The following FUCA2 variants were observed in gnomAD, a reference collection of about 807,000 sequenced individuals.
The protein encoded by FUCA2 is plasma alpha-L-fucosidase.
FUCA2 carries 41 observed loss-of-function variants against 52.6 expected under a neutral mutation model. That is an observed-to-expected ratio of 0.78 (90% CI 0.61 to 1.01). FUCA2 has a LOEUF of 1.01. FUCA2 is among the 50% of genes least tolerant of loss of function. The pLI, the probability that FUCA2 is intolerant of heterozygous loss-of-function variation, is 0.00. For synonymous variants in FUCA2, 211 were observed against 217.3 expected, an observed-to-expected ratio of 0.97 and a Z score of 0.26; for missense variants, 507 against 569.5, an observed-to-expected ratio of 0.89 and a Z score of 1.12.
chr6:143,511,356 A>AG lies in FUCA2; in HGVS notation c.224+54dup. On this transcript the variant is annotated intron_variant, in intron 1 of 6. Coordinates refer to ENST00000002165, the MANE Select transcript of FUCA2 (RefSeq NM_032020.5). The surrounding 1 kb of genome is among the most constrained non-coding windows in gnomAD (Gnocchi z 6.3). ...ACCAGGCCCGCTGGGTGGTGGCTGG[A>AG]GGCTGCGGGTGGGGACAAAAGCGCG... 1.3e-6 allele frequency: 2 copies of AG among 1,498,718 alleles called. No homozygotes were observed. Among genetic ancestry groups the AG allele is most frequent in the Admixed American group, 3.8e-5 (2 of 52,068 alleles). 92.8% of individuals were successfully genotyped at this position (1,498,718 alleles called of 1,614,324 possible).
At chr6:143,496,659 G>C (rs1780464387) in intron 6 of FUCA2, 1 of 152,154 alleles carries the variant, frequency 6.6e-6, no homozygotes, top group South Asian at 2.1e-4. Flanking sequence ...AGATCTGGTG[G>C]TTTCAACAGT....
In FUCA2 at chr6:143,497,277, T is replaced by A; in HGVS notation, c.1263+112A>T. The A allele has an allele frequency of 1.4e-6, 1 of 714,866 alleles. No individual in the cohort carries two copies. The highest frequency in any genetic ancestry group is 1.6e-5 in the South Asian group (1 of 60,658). The allele number at this position is 714,866 out of a possible 1,614,324, so 44.3% of individuals were successfully genotyped here. On this transcript the variant is annotated intron_variant, in intron 6 of 6. Coordinates refer to ENST00000002165, the MANE Select transcript of FUCA2 (RefSeq NM_032020.5). The surrounding 1 kb of genome is among the most constrained non-coding windows in gnomAD (Gnocchi z 5.3). ...TGCTTGGCTGGAGCTCATTTACAAT[T>A]CCTTTTATGAAGTATAAGTGAAACA... is the stretch of plus-strand genomic sequence containing the variant.
At position 143,506,192 on chromosome 6, in the gene FUCA2, G is replaced by GTTTTTTTT. The variant is rs3060493; in HGVS notation, c.412+1037_412+1044dup. Reference sequence around the variant, plus strand: ...AGAAAACAATAAGGCAAAGTTTCCCGTTTTTTTTTTTTTTTTTTTTTGAGA... The same window carrying GTTTTTTTT: ...AGAAAACAATAAGGCAAAGTTTCCCGTTTTTTTTTTTTTTTTTTTTTTTTTTTTTGAGA... On this transcript the variant is annotated intron_variant, in intron 2 of 6. Transcript: ENST00000002165. 1.6e-5 allele frequency: 2 copies of GTTTTTTTT among 125,814 alleles called. 1 individual carries two copies. Among genetic ancestry groups the GTTTTTTTT allele is most frequent in the Non-Finnish European group, 3.3e-5 (2 of 59,766 alleles). The allele number at this position is 125,814 out of a possible 1,614,324, so 7.8% of individuals were successfully genotyped here. A position where few individuals can be genotyped will look rare whatever the true frequency, so the allele number is the denominator to read the frequency against.
chr6:143,505,510 TCTCACTTTGCTGC>T (rs1340077272), intron 2 of FUCA2: 1 of 152,070 alleles, frequency 6.6e-6, no homozygotes, highest in Non-Finnish European at 1.5e-5. Flanking sequence ...AGAGACAGGG[TCTCACTTTGCTGC>T]CTAGGCCAGT....
In FUCA2 at chr6:143,511,640, G is replaced by T. The variant is rs1331172064; in HGVS notation, c.-6C>A. Reference sequence around the variant, plus strand: ...GGGAGCTCCTGGGGCCGCATGTCCCGGCGCAGGCCGGCTGTCCTCTCTGCA... The same window carrying T: ...GGGAGCTCCTGGGGCCGCATGTCCCTGCGCAGGCCGGCTGTCCTCTCTGCA... On this transcript the variant is annotated 5_prime_UTR_variant, in exon 1 of 7. Transcript: ENST00000002165. This position sits in a 1 kb window ranked among gnomAD's most constrained non-coding sequence, Gnocchi z 6.3. 2.0e-6 allele frequency: 3 copies of T among 1,503,012 alleles called. No individual in the cohort carries two copies. Among genetic ancestry groups the T allele is most frequent in the Admixed American group, 2.1e-5 (1 of 46,934 alleles). 93.1% of individuals were successfully genotyped at this position (1,503,012 alleles called of 1,614,324 possible).
rs1432912971 is a variant in FUCA2 at position 143,502,496 on chromosome 6, G to A, written c.822C>T (p.Phe274=). 3 of 1,614,108 alleles carry A rather than the reference G, an allele frequency of 1.9e-6. No homozygotes were observed. The Admixed American group carries it at 5.0e-5, about 27-fold the overall frequency. Residue 274 remains phenylalanine, a synonymous_variant, in exon 4 of 7, where the codon TTC becomes TTT. Coordinates refer to ENST00000002165, the MANE Select transcript of FUCA2 (RefSeq NM_032020.5). The surrounding 1 kb of genome is among the most constrained non-coding windows in gnomAD (Gnocchi z 4.1). The part of the protein sequence containing the change: ...GAGSICKHGG[F]YTCSDRYNPG... ...GGTTATAACGATCACTGCAGGTATA[G>A]AAGCCACCATGCTTACAGATGCTAC... is the stretch of plus-strand genomic sequence containing the variant.
rs1427623842 is a variant in FUCA2, at chr6:143,499,267, A to T, written c.1155-1770T>A. 6.6e-6 allele frequency among the ~76,000 whole-genome samples: 1 copy of T among 152,216 alleles called. No homozygotes were observed. Among genetic ancestry groups the T allele is most frequent in the Non-Finnish European group, 1.5e-5 (1 of 68,040 alleles). On this transcript the variant is annotated intron_variant, in intron 5 of 6. Coordinates refer to ENST00000002165, the MANE Select transcript of FUCA2 (RefSeq NM_032020.5). The surrounding 1 kb of genome is among the most constrained non-coding windows in gnomAD (Gnocchi z 6.0). The stretch of plus-strand genomic sequence containing the variant: ...GAAAATGGATAAGATCACCTGGGAC[A>T]TTAAGATAAACGCAGTGGCTCACGC...
intron 5 of FUCA2, among the ~76,000 whole-genome samples, chr6:143,498,170 C>CA (rs5880564): frequency 0.49 from 72,499 of 148,232 alleles, 19,094 homozygotes; most frequent in African/African-American, 0.71. Flanking sequence ...ATGCTGTGGA[C>CA]AAAAAAAAAA....
Position 143,502,494 on chromosome 6 carries a change from T to C in FUCA2, c.824A>G (p.Tyr275Cys). 6.2e-7 allele frequency: 1 copy of C among 1,614,120 alleles called. No individual in the cohort carries two copies. Among genetic ancestry groups the C allele is most frequent in the East Asian group, 2.2e-5 (1 of 44,888 alleles). Residue 275 changes from tyrosine to cysteine, a missense_variant, in exon 4 of 7, where the codon TAT becomes TGT. Tyr to Cys is a radical substitution (Grantham distance 194, BLOSUM62 -2). Transcript: ENST00000002165. The surrounding 1 kb of genome is among the most constrained non-coding windows in gnomAD (Gnocchi z 4.1). ...AGSICKHGGF[Y>C]TCSDRYNPGH... The stretch of plus-strand genomic sequence containing the variant: ...TGGGTTATAACGATCACTGCAGGTA[T>C]AGAAGCCACCATGCTTACAGATGCT...
In FUCA2 at chr6:143,511,513, A is replaced by G; in HGVS notation, c.122T>C (p.Leu41Pro). 6.3e-7 allele frequency: 1 copy of G among 1,594,160 alleles called. No homozygotes were observed. The highest frequency in any genetic ancestry group is 8.5e-7 in the Non-Finnish European group (1 of 1,170,720). Residue 41 changes from leucine to proline, a missense_variant, in exon 1 of 7, where the codon CTG (leucine) becomes CCG (proline). Leu to Pro is a moderately conservative substitution (Grantham distance 98). Transcript: ENST00000002165. The surrounding 1 kb of genome is among the most constrained non-coding windows in gnomAD (Gnocchi z 6.3). Reference protein sequence around the residue: ...ATRFDPTWESLDARQLPAWFD... With the variant: ...ATRFDPTWESPDARQLPAWFD... ...CCACGCGGGCAGCTGGCGGGCGTCC[A>G]GGGACTCCCAGGTGGGGTCGAAGCG...
Position 143,503,769 on chromosome 6 carries a change from CTAA to C in FUCA2, c.752+141_752+143del. ...TTATGTTGAGTAAATAGTGATATATCTAATAAGTATTATTTACAATGATTTTCT... is the reference window on the plus strand; with the variant it reads ...TTATGTTGAGTAAATAGTGATATATCTAAGTATTATTTACAATGATTTTCT... On this transcript the variant is annotated intron_variant, in intron 3 of 6. Coordinates refer to ENST00000002165, the MANE Select transcript of FUCA2 (RefSeq NM_032020.5). The surrounding 1 kb of genome is among the most constrained non-coding windows in gnomAD (Gnocchi z 4.8). The C allele has an allele frequency of 1.6e-6, 1 of 624,280 alleles. No individual in the cohort carries two copies. Among genetic ancestry groups the C allele is most frequent in the Non-Finnish European group, 2.7e-6 (1 of 367,680 alleles). 38.7% of individuals were successfully genotyped at this position (624,280 alleles called of 1,614,324 possible). A position where few individuals can be genotyped will look rare whatever the true frequency, so the allele number is the denominator to read the frequency against.
rs1183783612 is a variant in FUCA2, at chr6:143,499,720, G to A, written c.1154+2212C>T. Among the ~76,000 whole-genome samples the A allele has an allele frequency of 6.6e-6, 1 of 152,198 alleles. No homozygotes were observed. The highest frequency in any genetic ancestry group is 1.5e-5 in the Non-Finnish European group (1 of 68,046). On this transcript the variant is annotated intron_variant, in intron 5 of 6. Coordinates refer to ENST00000002165, the MANE Select transcript of FUCA2 (RefSeq NM_032020.5). The surrounding 1 kb of genome is among the most constrained non-coding windows in gnomAD (Gnocchi z 6.0). ...GTAAGTTAAGAAAATGAGCACTGGG[G>A]ACTCATCACTGGAACTGGCAAGGCA...
chr6:143,502,223 T>C lies in FUCA2; in HGVS notation c.964-101A>G, dbSNP rs118054374. Reference sequence around the variant, plus strand: ...TATTTATACATGTATATATAGTCACTGCCTAGAAGAACAAACACAGGATAG... The same window carrying C: ...TATTTATACATGTATATATAGTCACCGCCTAGAAGAACAAACACAGGATAG... On this transcript the variant is annotated intron_variant, in intron 4 of 6. Coordinates refer to ENST00000002165, the MANE Select transcript of FUCA2 (RefSeq NM_032020.5). The surrounding 1 kb of genome is among the most constrained non-coding windows in gnomAD (Gnocchi z 4.1). 2.3e-6 allele frequency: 3 copies of C among 1,311,484 alleles called. No individual in the cohort carries two copies. Among genetic ancestry groups the C allele is most frequent in the Admixed American group, 2.2e-5 (1 of 46,402 alleles). The allele number at this position is 1,311,484 out of a possible 1,614,324, so 81.2% of individuals were successfully genotyped here.
In FUCA2 at chr6:143,497,657, AC is replaced by A. The variant is rs1388420506; in HGVS notation, c.1155-161del. 6.6e-6 allele frequency among the ~76,000 whole-genome samples: 1 copy of A among 152,172 alleles called. No homozygotes were observed. On this transcript the variant is annotated intron_variant, in intron 5 of 6. Coordinates refer to ENST00000002165, the MANE Select transcript of FUCA2 (RefSeq NM_032020.5). This position sits in a 1 kb window ranked among gnomAD's most constrained non-coding sequence, Gnocchi z 5.3. Reference sequence around the variant, plus strand: ...AATAGCCTCATGGTGGTATAAAAAAACACCTTCCTCCCCCAAGACCAAAAGG... The same window carrying A: ...AATAGCCTCATGGTGGTATAAAAAAAACCTTCCTCCCCCAAGACCAAAAGG...
At position 143,501,321 on chromosome 6, in the gene FUCA2, G is replaced by A. The variant is rs1780524409; in HGVS notation, c.1154+611C>T. ...TTCCTATTTGATCAGACAGTACTCA[G>A]GTGGCAACTGAAAGCGAATTTTTAG... On this transcript the variant is annotated intron_variant, in intron 5 of 6. Transcript: ENST00000002165. The surrounding 1 kb of genome is among the most constrained non-coding windows in gnomAD (Gnocchi z 6.1). Among the ~76,000 whole-genome samples the A allele has an allele frequency of 6.6e-6, 1 of 152,168 alleles. No individual in the cohort carries two copies. Among genetic ancestry groups the A allele is most frequent in the Non-Finnish European group, 1.5e-5 (1 of 68,032 alleles).
Position 143,504,475 on chromosome 6 carries a change from G to T in FUCA2, c.413-223C>A. The T allele has an allele frequency of 5.6e-6, 3 of 532,632 alleles. No homozygotes were observed. Among genetic ancestry groups the T allele is most frequent in the South Asian group, 4.7e-5 (2 of 42,984 alleles). 33.0% of individuals were successfully genotyped at this position (532,632 alleles called of 1,614,324 possible). A position where few individuals can be genotyped will look rare whatever the true frequency, so the allele number is the denominator to read the frequency against. Reference sequence around the variant, plus strand: ...ACAGGTTTTTAAAAGCAACTTTCAGGGTATATCACTGTACGGTCTGATCTA... The same window carrying T: ...ACAGGTTTTTAAAAGCAACTTTCAGTGTATATCACTGTACGGTCTGATCTA... On this transcript the variant is annotated intron_variant, in intron 2 of 6. Transcript: ENST00000002165. This position sits in a 1 kb window ranked among gnomAD's most constrained non-coding sequence, Gnocchi z 4.4.
chr6:143,510,637 T>TAAAA lies in FUCA2; in HGVS notation c.224+773_224+774insTTTT, dbSNP rs1257877241. On this transcript the variant is annotated intron_variant, in intron 1 of 6. Coordinates refer to ENST00000002165, the MANE Select transcript of FUCA2 (RefSeq NM_032020.5). The surrounding 1 kb of genome is among the most constrained non-coding windows in gnomAD (Gnocchi z 4.4). ...CTGGGTGACAGAATGAGACTATGTC[T>TAAAA]CAAAAAAAAAAAAAAAAGAATATAT... 7.5e-6 allele frequency among the ~76,000 whole-genome samples: 1 copy of TAAAA among 132,654 alleles called. No individual in the cohort carries two copies. Among genetic ancestry groups the TAAAA allele is most frequent in the African/African-American group, 2.9e-5 (1 of 34,486 alleles). The allele number at this position is 132,654 out of a possible 152,430, so 87.0% of individuals were successfully genotyped here. A position where few individuals can be genotyped will look rare whatever the true frequency, so the allele number is the denominator to read the frequency against.
rs1780451782 is a variant in FUCA2 at position 143,495,839 on chromosome 6, T to C, written c.1272A>G (p.Leu424=). 1 of 1,613,714 alleles carries C rather than the reference T, an allele frequency of 6.2e-7. No homozygotes were observed. Among genetic ancestry groups the C allele is most frequent in the Non-Finnish European group, 8.5e-7 (1 of 1,179,748 alleles). ...AGTTAAGTGGCTGTCCATGGCCCAG[T>C]AGTTTCACCTGAAATTAAAAACATA... ...KAILGATEVK[L]LGHGQPLNWI... is the part of the protein sequence containing the mutation. Residue 424 remains leucine (L), a synonymous_variant, in exon 7 of 7, where the codon CTA becomes CTG. Coordinates refer to ENST00000002165, the MANE Select transcript of FUCA2 (RefSeq NM_032020.5). The surrounding 1 kb of genome is among the most constrained non-coding windows in gnomAD (Gnocchi z 5.2).
In FUCA2 at chr6:143,497,905, C is replaced by G. The variant is rs1304287001; in HGVS notation, c.1155-408G>C. Among the ~76,000 whole-genome samples, 1 of 152,136 alleles carries G rather than the reference C, an allele frequency of 6.6e-6. No homozygotes were observed. Among genetic ancestry groups the G allele is most frequent in the African/African-American group, 2.4e-5 (1 of 41,422 alleles). ...AGTACTGTGCTCAGTGTTAGAGTTA[C>G]AATAAAAAACAAAACACACATAGTC... is the stretch of plus-strand genomic sequence containing the variant. On this transcript the variant is annotated intron_variant, in intron 5 of 6. Coordinates refer to ENST00000002165, the MANE Select transcript of FUCA2 (RefSeq NM_032020.5). This position sits in a 1 kb window ranked among gnomAD's most constrained non-coding sequence, Gnocchi z 5.3.
Sources: allele counts gnomAD v4.1 joint callset (sites outside exome capture counted in the v4.1 genomes callset), GRCh38; gene constraint gnomAD v4.1.1; non-coding constraint Gnocchi (gnomAD v3.1); transcripts MANE v1.5; gene names NCBI Gene and HGNC (gene_info 2026-07-23, HGNC 2026-07-21).